The following PACSIN2 variants were observed in gnomAD, a reference collection of about 807,000 sequenced individuals.
The protein encoded by PACSIN2 is protein kinase C and casein kinase substrate in neurons 2.
Under a neutral mutation model 63.8 loss-of-function variants are expected in PACSIN2, and 25 were observed. That is an observed-to-expected ratio of 0.39 (90% CI 0.29 to 0.55). The LOEUF is 0.55. Ranked by LOEUF, PACSIN2 falls within the 20% of genes least tolerant of loss-of-function variation. The pLI, the probability that PACSIN2 is intolerant of heterozygous loss-of-function variation, is 0.62. For missense variants in PACSIN2, 518 were observed against 646.9 expected (o/e 0.80, Z 2.16); for synonymous variants, 255 against 256.2 (o/e 1.00, Z 0.05).
At chr22:42,963,112 G>C (rs528293779) in intron 1 of PACSIN2, among the ~76,000 whole-genome samples, 1 of 152,274 alleles carries the variant, frequency 6.6e-6, no homozygotes, top group African/African-American at 2.4e-5. Flanking sequence ...TGTCATCAAA[G>C]ACTGGAAACC....
chr22:42,889,196 A>G (rs1929714565), intron 4 of PACSIN2, among the ~76,000 whole-genome samples: 1 of 151,974 alleles, frequency 6.6e-6, no homozygotes, highest in Admixed American at 6.6e-5. Context: ...GAACACGCAC[A>G]TGGAGCACGC....
chr22:42,962,780 G>GGGC (rs1555936930), intron 1 of PACSIN2, among the ~76,000 whole-genome samples: 2 of 65,212 alleles, frequency 3.1e-5, no homozygotes, highest in African/African-American at 1.3e-4. Context: ...GTGGGCGGGG[G>GGGC]GGGGGGGCGG....
chr22:42,913,452 C>T (rs1931593289), intron 1 of PACSIN2, among the ~76,000 whole-genome samples: 1 of 140,630 alleles, frequency 7.1e-6, no homozygotes, highest in African/African-American at 2.7e-5. Flanking sequence ...GCACTCCAGC[C>T]TGGGCAACAA....
intron 2 of PACSIN2, among the ~76,000 whole-genome samples, chr22:42,905,306 G>A (rs983990747): frequency 2.0e-5 from 3 of 152,242 alleles, no homozygotes; most frequent in South Asian, 4.1e-4. Context: ...CTGTCTCCGC[G>A]TGTGCGATGC....
chr22:42,912,685 A>G (rs986801829), intron 1 of PACSIN2, among the ~76,000 whole-genome samples: 1 of 152,182 alleles, frequency 6.6e-6, no homozygotes, highest in African/African-American at 2.4e-5. Context: ...AGCAATCTAC[A>G]ATCCAGGCAA....
intron 1 of PACSIN2, among the ~76,000 whole-genome samples, chr22:42,970,803 A>G (rs917838918): frequency 1.3e-5 from 2 of 152,156 alleles, no homozygotes; most frequent in Non-Finnish European, 2.9e-5. Context: ...GAGGTGCTCC[A>G]TGGCAGTGCA....
chr22:42,987,762 C>T (rs182790614), intron 1 of PACSIN2, among the ~76,000 whole-genome samples: 1 of 152,056 alleles, frequency 6.6e-6, no homozygotes, highest in African/African-American at 2.4e-5. Context: ...TCTCAATCTC[C>T]TGACCTCATC....
chr22:43,001,071 A>T (rs1335871168), intron 1 of PACSIN2, among the ~76,000 whole-genome samples: 2 of 152,254 alleles, frequency 1.3e-5, no homozygotes, highest in African/African-American at 4.8e-5. Flanking sequence ...GCTGCTATGG[A>T]ATCACGTCTT....
chr22:43,008,531 T>G (rs5759085), intron 1 of PACSIN2, among the ~76,000 whole-genome samples: 92,800 of 152,202 alleles, frequency 0.61, 28,913 homozygotes, highest in East Asian at 0.81. Context: ...TTACAGGCGT[T>G]AGCCACCACG....
At chr22:42,908,679 C>T (rs974508067) in intron 2 of PACSIN2, among the ~76,000 whole-genome samples, 18 of 152,254 alleles carry the variant, frequency 1.2e-4, no homozygotes, top group Admixed American at 4.6e-4. Flanking sequence ...TAATCCCACA[C>T]GACTTCCCAT....
chr22:42,935,675 T>C (rs1019565140), intron 1 of PACSIN2, among the ~76,000 whole-genome samples: 3 of 152,120 alleles, frequency 2.0e-5, no homozygotes, highest in Non-Finnish European at 4.4e-5. Context: ...GAGGAAAAAG[T>C]GTTTCCACAG....
At chr22:42,959,769 G>A (rs986254146) in intron 1 of PACSIN2, 6 of 152,168 alleles carry the variant, frequency 3.9e-5, no homozygotes, top group African/African-American at 1.2e-4. Flanking sequence ...CTACCTTAAA[G>A]GAAATGCAAG....
chr22:42,888,866 A>C (rs1929689587), intron 4 of PACSIN2, 68 bp from the exon 5 acceptor site: 1 of 1,508,986 alleles, frequency 6.6e-7, no homozygotes, highest in Non-Finnish European at 9.2e-7. Context: ...GAAGTCACAC[A>C]GACCATGGGA....
chr22:42,970,899 C>G (rs868027240), intron 1 of PACSIN2, among the ~76,000 whole-genome samples: 1 of 152,160 alleles, frequency 6.6e-6, no homozygotes. Flanking sequence ...ACGCCACCCA[C>G]AGCTGTGCGG....
chr22:42,900,372 C>G (rs933825050), intron 2 of PACSIN2, among the ~76,000 whole-genome samples: 1 of 152,220 alleles, frequency 6.6e-6, no homozygotes, highest in Non-Finnish European at 1.5e-5. Context: ...ATAGAGCATC[C>G]CATACTTGGC....
chr22:42,902,551 G>A (rs113491959), intron 2 of PACSIN2, among the ~76,000 whole-genome samples: 4 of 152,280 alleles, frequency 2.6e-5, no homozygotes, highest in African/African-American at 4.8e-5. Flanking sequence ...CTGAGAAGTC[G>A]CTGAGATCTC....
At chr22:42,887,426 C>T (rs1282855254) in intron 5 of PACSIN2, among the ~76,000 whole-genome samples, 1 of 152,210 alleles carries the variant, frequency 6.6e-6, no homozygotes, top group Non-Finnish European at 1.5e-5. Flanking sequence ...GGGATGCCAC[C>T]ACCTAACTGA....
intron 1 of PACSIN2, among the ~76,000 whole-genome samples, chr22:42,934,437 T>A (rs1268312064): frequency 6.6e-6 from 1 of 152,188 alleles, no homozygotes; most frequent in Non-Finnish European, 1.5e-5. Flanking sequence ...CTGCACATCC[T>A]CCAACTACAC....
chr22:42,892,304 T>C (rs1039505777), intron 3 of PACSIN2, among the ~76,000 whole-genome samples: 2 of 152,024 alleles, frequency 1.3e-5, no homozygotes, highest in East Asian at 1.9e-4. Flanking sequence ...CGCTGAGTCA[T>C]GACAGAGGTG....
Sources: gnomAD v4.1 joint callset for allele counts (sites outside exome capture counted in the v4.1 genomes callset) on GRCh38, gnomAD v4.1.1 for gene constraint, MANE v1.5 for transcripts, NCBI Gene and HGNC (gene_info 2026-07-23, HGNC 2026-07-21) for gene names.